VPS13B: variants seen among roughly 807,000 people sequenced by gnomAD.
The protein encoded by VPS13B is vacuolar protein sorting 13 homolog B, also known as intermembrane lipid transfer protein VPS13B.
A neutral mutation model predicts 426.4 loss-of-function variants in VPS13B; 285 were observed. The observed-to-expected ratio is 0.67, with a 90% CI of 0.61 to 0.74. The LOEUF is 0.74. VPS13B is among the 30% of genes least tolerant of loss of function. The probability of loss-of-function intolerance (pLI) is 0.00; values close to 1 mark genes in which losing one functional copy is unlikely to be tolerated. For synonymous variants in VPS13B, 1,676 were observed against 1,676.4 expected, an observed-to-expected ratio of 1.00 and a Z score of 0.01; for missense variants, 4,537 against 4,782.6, an observed-to-expected ratio of 0.95 and a Z score of 1.51.
At chr8:99,524,255 A>G (rs775033806) in intron 30 of VPS13B, among the ~76,000 whole-genome samples, 8 of 152,188 alleles carry the variant, frequency 5.3e-5, no homozygotes, top group Non-Finnish European at 1.2e-4. Context: ...TGAAAAGGGC[A>G]TAGCTAAGAG....
At chr8:99,457,610 A>G (rs1406136306) in intron 23 of VPS13B, among the ~76,000 whole-genome samples, 3 of 148,042 alleles carry the variant, frequency 2.0e-5, no homozygotes, top group African/African-American at 7.5e-5. Context: ...AATCTTTACT[A>G]TTTTCTTTTT....
At chr8:99,789,197 G>T (rs1812423830) in intron 43 of VPS13B, among the ~76,000 whole-genome samples, 1 of 152,040 alleles carries the variant, frequency 6.6e-6, no homozygotes. Flanking sequence ...ATTCCAGCCA[G>T]TTGTCAATTT....
intron 23 of VPS13B, among the ~76,000 whole-genome samples, chr8:99,453,597 CTATT>C (rs1315387993): frequency 1.3e-5 from 2 of 152,100 alleles, no homozygotes; most frequent in Non-Finnish European, 2.9e-5. Context: ...GAAACTTACC[CTATT>C]TATTCCTTGC....
chr8:99,419,522 T>G (rs2133377450), intron 21 of VPS13B, among the ~76,000 whole-genome samples: 1 of 152,308 alleles, frequency 6.6e-6, no homozygotes, highest in Non-Finnish European at 1.5e-5. Flanking sequence ...CAAGGCTTAT[T>G]TTCTAGAGGT....
intron 1 of VPS13B, 132 bp from the exon 2 acceptor site, chr8:99,013,628 G>T: frequency 1.3e-6 from 1 of 770,028 alleles, no homozygotes; most frequent in Non-Finnish European, 2.2e-6. Context: ...GAGTCCGCTG[G>T]AGTTTTTCTC....
At chr8:99,194,645 A>G (rs1813803530) in intron 17 of VPS13B, among the ~76,000 whole-genome samples, 2 of 152,166 alleles carry the variant, frequency 1.3e-5, no homozygotes, top group Admixed American at 1.3e-4. Flanking sequence ...GATATATGCC[A>G]TATTTTCTTT....
intron 19 of VPS13B, among the ~76,000 whole-genome samples, chr8:99,355,790 A>T (rs2133222677): frequency 6.6e-6 from 1 of 152,162 alleles, no homozygotes; most frequent in East Asian, 1.9e-4. Flanking sequence ...GGCATTTGTG[A>T]CCACTCAATA....
At chr8:99,030,952 G>A (rs1842482570) in intron 2 of VPS13B, among the ~76,000 whole-genome samples, 1 of 152,136 alleles carries the variant, frequency 6.6e-6, no homozygotes, top group South Asian at 2.1e-4. Flanking sequence ...GATATTAGAA[G>A]TGGTTTGACT....
intron 36 of VPS13B, among the ~76,000 whole-genome samples, chr8:99,701,011 TG>T (rs1832255458): frequency 6.6e-6 from 1 of 152,210 alleles, no homozygotes; most frequent in Non-Finnish European, 1.5e-5. Context: ...GTAGACTTAC[TG>T]TAACTTAGTT....
intron 19 of VPS13B, among the ~76,000 whole-genome samples, chr8:99,360,126 CTT>C (rs1812425692): frequency 5.7e-5 from 1 of 17,552 alleles, no homozygotes; most frequent in Non-Finnish European, 1.2e-4. Context: ...CCTTATCTTT[CTT>C]TCTTTCTTTC....
chr8:99,602,802 C>A (rs954787221), intron 33 of VPS13B, among the ~76,000 whole-genome samples: 2 of 152,132 alleles, frequency 1.3e-5, no homozygotes, highest in African/African-American at 4.8e-5. Flanking sequence ...GAATAAAATA[C>A]CTAGGAATCC....
intron 16 of VPS13B, among the ~76,000 whole-genome samples, chr8:99,174,436 G>T (rs1473970570): frequency 6.6e-6 from 1 of 152,086 alleles, no homozygotes; most frequent in Non-Finnish European, 1.5e-5. Flanking sequence ...ATGGAAAAAG[G>T]TTCCAATTTC....
chr8:99,360,240 C>CTCCTTCCT lies in VPS13B; in HGVS notation c.2825-23933_2825-23926dup, dbSNP rs763728692. ...TTTCTTTCTTTCTTTCTTTCTCTCTCTCCTTCCTTCCTTCCTTCCTTCCTT... is the reference window on the plus strand; with the variant it reads ...TTTCTTTCTTTCTTTCTTTCTCTCTCTCCTTCCTTCCTTCCTTCCTTCCTTCCTTCCTT... On this transcript the variant is annotated intron_variant, in intron 19 of 61. Transcript: ENST00000357162. Among the ~76,000 whole-genome samples the CTCCTTCCT allele has an allele frequency of 2.6e-3, 198 of 76,836 alleles. 8 individuals carry two copies. The highest frequency in any genetic ancestry group is 0.012 in the East Asian group (41 of 3,300). The allele number at this position is 76,836 out of a possible 152,430, so 50.4% of individuals were successfully genotyped here.
intron 21 of VPS13B, among the ~76,000 whole-genome samples, chr8:99,415,808 C>A (rs1375858334): frequency 6.6e-6 from 1 of 152,206 alleles, no homozygotes; most frequent in African/African-American, 2.4e-5. Flanking sequence ...GAGGGGCACC[C>A]ACCAGATGCC....
chr8:99,446,204 A>T (rs753649305), intron 23 of VPS13B, among the ~76,000 whole-genome samples: 53 of 152,062 alleles, frequency 3.5e-4, no homozygotes, highest in Middle Eastern at 3.2e-3. Flanking sequence ...TGATGGCCTG[A>T]TGTTAGCAAA....
chr8:99,046,050 G>A (rs7837669), intron 3 of VPS13B, among the ~76,000 whole-genome samples: 112,753 of 152,034 alleles, frequency 0.74, 42,462 homozygotes, highest in South Asian at 0.87. Flanking sequence ...GGTTTCCTAC[G>A]AATTTTAGGA....
At chr8:99,161,451 A>G (rs932016846) in intron 15 of VPS13B, among the ~76,000 whole-genome samples, 13 of 152,218 alleles carry the variant, frequency 8.5e-5, no homozygotes, top group African/African-American at 3.1e-4. Flanking sequence ...CTGACATAAA[A>G]TTTATTGGAA....
At chr8:99,764,166 A>T (rs1378129760) in intron 39 of VPS13B, among the ~76,000 whole-genome samples, 1 of 152,172 alleles carries the variant, frequency 6.6e-6, no homozygotes, top group African/African-American at 2.4e-5. Flanking sequence ...GGAGACAAAC[A>T]TATAAATAAG....
intron 57 of VPS13B, among the ~76,000 whole-genome samples, 171 bp downstream of exon 57, chr8:99,859,651 T>G (rs1224847209): frequency 6.6e-6 from 1 of 152,176 alleles, no homozygotes; most frequent in African/African-American, 2.4e-5. Flanking sequence ...ATGTCTTATG[T>G]TTTGAACAGA....
Sources: allele counts gnomAD v4.1 joint callset (sites outside exome capture counted in the v4.1 genomes callset), GRCh38; gene constraint gnomAD v4.1.1; transcripts MANE v1.5; gene names NCBI Gene and HGNC (gene_info 2026-07-23, HGNC 2026-07-21).